Variants in DENND1A observed in about 807,000 individuals in gnomAD.
The protein encoded by DENND1A is DENN domain containing 1A.
Under a neutral mutation model 113.7 loss-of-function variants are expected in DENND1A, and 51 were observed. The observed-to-expected ratio is 0.45, with a 90% CI of 0.36 to 0.57. DENND1A has a LOEUF of 0.57. Among genes scored for constraint, DENND1A ranks in the 20% least tolerant of loss-of-function variants. DENND1A has a pLI of 0.00. For synonymous variants in DENND1A, 565 were observed against 570.8 expected (o/e 0.99, Z 0.14); for missense variants, 1,258 against 1,395.9 (o/e 0.90, Z 1.57).
chr9:123,609,306 C>G, intron 11 of DENND1A, 130 bp downstream of exon 11: 3 of 974,442 alleles, frequency 3.1e-6, no homozygotes, highest in Non-Finnish European at 4.6e-6. Flanking sequence ...CAGCTCTGTA[C>G]GCTGGGAGGT....
At chr9:123,666,564 T>C (rs925667862) in intron 8 of DENND1A, among the ~76,000 whole-genome samples, 2 of 152,172 alleles carry the variant, frequency 1.3e-5, no homozygotes, top group African/African-American at 2.4e-5. Context: ...ATTCTTTATA[T>C]GGAAACATTT....
At chr9:123,659,315 T>C (rs1039664141) in intron 8 of DENND1A, among the ~76,000 whole-genome samples, 3 of 152,212 alleles carry the variant, frequency 2.0e-5, no homozygotes, top group Non-Finnish European at 4.4e-5. Context: ...AGCGGAGCCC[T>C]GGGCTCCATC....
rs1222932745 is a variant in DENND1A, at chr9:123,818,517, TATACACACACACAC to T, written c.89-25901_89-25888del. On this transcript the variant is annotated intron_variant, in intron 2 of 23. Coordinates refer to ENST00000394215, the MANE Select transcript of DENND1A (RefSeq NM_001352964.2). ...GAATATTGGCATATATATACATACA[TATACACACACACAC>T]ACACACACACACACACACACACACA... Among the ~76,000 whole-genome samples, 160 of 123,156 alleles carry T rather than the reference TATACACACACACAC, an allele frequency of 1.3e-3. 2 individuals are homozygous for T. Among genetic ancestry groups the T allele is most frequent in the African/African-American group, 4.9e-3 (147 of 30,018 alleles). The allele number at this position is 123,156 out of a possible 152,430, so 80.8% of individuals were successfully genotyped here. A position where few individuals can be genotyped will look rare whatever the true frequency, so the allele number is the denominator to read the frequency against.
chr9:123,395,321 C>T (rs1034303348), intron 21 of DENND1A, among the ~76,000 whole-genome samples: 36 of 152,178 alleles, frequency 2.4e-4, no homozygotes, highest in African/African-American at 7.2e-4. Flanking sequence ...CCGTGTCTTC[C>T]GGGGCTGCTG....
chr9:123,444,190 C>T (rs1295296987), intron 18 of DENND1A, among the ~76,000 whole-genome samples: 1 of 152,052 alleles, frequency 6.6e-6, no homozygotes, highest in Non-Finnish European at 1.5e-5. Flanking sequence ...ATGTATATGC[C>T]CTTTGGCCCA....
At chr9:123,403,620 A>T in intron 20 of DENND1A, 130 bp from the exon 21 acceptor site, 1 of 760,920 alleles carries the variant, frequency 1.3e-6, no homozygotes, top group Non-Finnish European at 2.2e-6. Context: ...CAGGCTACAA[A>T]AGCCCAGCCT....
At chr9:123,734,600 A>T (rs1589858000) in intron 5 of DENND1A, among the ~76,000 whole-genome samples, 1 of 152,208 alleles carries the variant, frequency 6.6e-6, no homozygotes. Context: ...TTCAGAGTCA[A>T]ACAGAGCTAG....
chr9:123,915,463 A>G (rs1410729979), intron 1 of DENND1A, among the ~76,000 whole-genome samples: 1 of 152,166 alleles, frequency 6.6e-6, no homozygotes, highest in African/African-American at 2.4e-5. Flanking sequence ...AGGAAGAGCT[A>G]GGATAATACC....
At chr9:123,924,833 C>A (rs766531513) in intron 1 of DENND1A, among the ~76,000 whole-genome samples, 1 of 152,126 alleles carries the variant, frequency 6.6e-6, no homozygotes, top group Non-Finnish European at 1.5e-5. Flanking sequence ...TACTCAAACC[C>A]ACTGGCCTTC....
At chr9:123,617,688 A>G (rs1222162551) in intron 10 of DENND1A, among the ~76,000 whole-genome samples, 1 of 152,202 alleles carries the variant, frequency 6.6e-6, no homozygotes, top group Non-Finnish European at 1.5e-5. Flanking sequence ...CGTGGCTAAG[A>G]CCACTGCGGC....
rs2057482626 is a variant in DENND1A at position 123,557,439 on chromosome 9, A to G, written c.993+131T>C. The G allele has an allele frequency of 2.2e-6, 3 of 1,392,642 alleles. No individual in the cohort carries two copies. In the South Asian group the frequency reaches 4.2e-5, roughly 20 times the overall value. The allele number at this position is 1,392,642 out of a possible 1,614,324, so 86.3% of individuals were successfully genotyped here. ...TGGCAAGGGGAGTACACTGTCCCCC[A>G]CCACAAACACACACAAGCTCTTCTA... On this transcript the variant is annotated intron_variant, in intron 13 of 23. Transcript: ENST00000394215.
At chr9:123,918,599 A>G (rs1393723727) in intron 1 of DENND1A, among the ~76,000 whole-genome samples, 2 of 152,138 alleles carry the variant, frequency 1.3e-5, no homozygotes, top group African/African-American at 4.8e-5. Context: ...GTTTAAATAC[A>G]TCCATTTAAA....
chr9:123,685,329 A>T (rs2064742176), intron 5 of DENND1A, among the ~76,000 whole-genome samples: 2 of 152,178 alleles, frequency 1.3e-5, no homozygotes, highest in Non-Finnish European at 1.5e-5. Flanking sequence ...CTAATCTCAA[A>T]CTGTAAATTG....
At chr9:123,667,111 T>C (rs761278068) in intron 7 of DENND1A, 32 bp from the exon 8 acceptor site, 3 of 1,572,092 alleles carry the variant, frequency 1.9e-6, no homozygotes, top group South Asian at 2.4e-5. Context: ...GATTTATTTC[T>C]GCTAAAATGT....
intron 11 of DENND1A, among the ~76,000 whole-genome samples, chr9:123,592,752 G>T (rs2059517273): frequency 6.6e-6 from 1 of 152,006 alleles, no homozygotes; most frequent in Non-Finnish European, 1.5e-5. Flanking sequence ...TGATCCTCCC[G>T]CCTCAGCCTC....
At chr9:123,457,919 G>A (rs781680025) in intron 13 of DENND1A, 22 bp from the exon 14 acceptor site, 4 of 1,587,930 alleles carry the variant, frequency 2.5e-6, no homozygotes, top group Non-Finnish European at 3.4e-6. Context: ...AGAGGGGAGA[G>A]GTGGGTCAGT....
At position 123,790,387 on chromosome 9, in the gene DENND1A, G is replaced by A. The variant is rs577204845; in HGVS notation, c.132+2200C>T. Among the ~76,000 whole-genome samples the A allele has an allele frequency of 9.6e-5, 14 of 145,518 alleles. No homozygotes were observed. The South Asian group carries it at 1.7e-3, about 18-fold the overall frequency. ...AATCATTTCTTGGGTTATAGGAGGC[G>A]AAAAAAAAAAGGAAATCGTATGTGT... On this transcript the variant is annotated intron_variant, in intron 3 of 23. Transcript: ENST00000394215.
At chr9:123,452,850 G>C (rs1006717561) in intron 16 of DENND1A, among the ~76,000 whole-genome samples, 1 of 152,026 alleles carries the variant, frequency 6.6e-6, no homozygotes, top group Non-Finnish European at 1.5e-5. Flanking sequence ...TTCTTTCCTT[G>C]GTTTTCTGTG....
intron 13 of DENND1A, among the ~76,000 whole-genome samples, chr9:123,497,638 T>G (rs1355708044): frequency 2.0e-5 from 3 of 152,074 alleles, no homozygotes; most frequent in Admixed American, 2.0e-4. Flanking sequence ...CTAAGACTGT[T>G]GATATAAACT....
Sources: gnomAD v4.1 joint callset for allele counts (sites outside exome capture counted in the v4.1 genomes callset) on GRCh38, gnomAD v4.1.1 for gene constraint, MANE v1.5 for transcripts, NCBI Gene and HGNC (gene_info 2026-07-23, HGNC 2026-07-21) for gene names.